Variants in ME3 observed in about 807,000 individuals in gnomAD.
ME3 encodes the protein malic enzyme 3.
In ME3, 48 loss-of-function variants were observed where a neutral mutation model predicts 68.9. That is an observed-to-expected ratio of 0.70 (90% CI 0.55 to 0.89). The LOEUF (loss-of-function observed/expected upper bound fraction) is 0.89, where lower values mean the gene tolerates loss of function less well. ME3 is among the 40% of genes least tolerant of loss of function. The pLI, the probability that ME3 is intolerant of heterozygous loss-of-function variation, is 0.00. For missense variants in ME3, 675 were observed against 797.4 expected (o/e 0.85, Z 1.85); for synonymous variants, 320 against 318.8 (o/e 1.00, Z -0.04).
chr11:86,467,070 T>C (rs1269568206), intron 7 of ME3, among the ~76,000 whole-genome samples: 1 of 150,914 alleles, frequency 6.6e-6, no homozygotes, highest in African/African-American at 2.5e-5. Flanking sequence ...ATTGAAGGTA[T>C]AAAATGTGAT....
intron 2 of ME3, among the ~76,000 whole-genome samples, chr11:86,584,206 A>T (rs1958604355): frequency 6.6e-6 from 1 of 152,232 alleles, no homozygotes. Context: ...CAACAGGTAT[A>T]TGAAAAGATG....
At chr11:86,493,087 T>C (rs117644754) in intron 6 of ME3, among the ~76,000 whole-genome samples, 3,664 of 152,272 alleles carry the variant, frequency 0.024, 123 homozygotes, top group East Asian at 0.13. Flanking sequence ...GAGAGTGAGC[T>C]CTATGATGGC....
chr11:86,652,828 G>A (rs978887149), intron 2 of ME3, among the ~76,000 whole-genome samples: 1 of 151,958 alleles, frequency 6.6e-6, no homozygotes, highest in African/African-American at 2.4e-5. Context: ...AGACCCATCA[G>A]TGTGCTGTAT....
chr11:86,566,510 C>T (rs1395135016), intron 2 of ME3, among the ~76,000 whole-genome samples: 1 of 152,158 alleles, frequency 6.6e-6, no homozygotes, highest in African/African-American at 2.4e-5. Flanking sequence ...GAGATCCAAA[C>T]CCATATATTG....
chr11:86,622,387 T>TA lies in ME3; in HGVS notation c.183+49374dup, dbSNP rs767078950. ...ATCTACAGGGATTGTGGGAGGGCATTAAAAAAAAAAAAGTTGTTTGCTGCT... is the reference window on the plus strand; with the variant it reads ...ATCTACAGGGATTGTGGGAGGGCATTAAAAAAAAAAAAAGTTGTTTGCTGCT... On this transcript the variant is annotated intron_variant, in intron 2 of 14. Coordinates refer to ENST00000543262, the Ensembl canonical transcript of ME3. Among the ~76,000 whole-genome samples the TA allele has an allele frequency of 7.9e-3, 1,166 of 148,508 alleles. 23 individuals are homozygous for TA. Among genetic ancestry groups the TA allele is most frequent in the African/African-American group, 0.025 (1,008 of 40,620 alleles).
intron 6 of ME3, among the ~76,000 whole-genome samples, chr11:86,489,897 C>T (rs766389650): frequency 1.8e-4 from 28 of 152,120 alleles, no homozygotes; most frequent in Non-Finnish European, 2.6e-4. Context: ...TAGGTCTCAT[C>T]GTTTCCCCCA....
intron 4 of ME3, among the ~76,000 whole-genome samples, chr11:86,537,903 A>G (rs575326733): frequency 6.6e-6 from 1 of 152,284 alleles, no homozygotes; most frequent in East Asian, 1.9e-4. Context: ...GAGCTCCATG[A>G]AGTGTTTGGT....
Position 86,477,686 on chromosome 11 carries a change from G to A in ME3, c.809+9651C>T, listed in dbSNP as rs187862816. Among the ~76,000 whole-genome samples the A allele has an allele frequency of 1.6e-3, 239 of 152,208 alleles. 3 individuals carry two copies. Among genetic ancestry groups the A allele is most frequent in the African/African-American group, 5.5e-3 (230 of 41,522 alleles). ...AGCTAGTGTCATTGAATCATATCCCGAGGCAGTGAGTTTCTTCCAGCACAT... is the reference window on the plus strand; with the variant it reads ...AGCTAGTGTCATTGAATCATATCCCAAGGCAGTGAGTTTCTTCCAGCACAT... On this transcript the variant is annotated intron_variant, in intron 7 of 14. Transcript: ENST00000543262.
chr11:86,506,199 G>T (rs1299106157), intron 5 of ME3, among the ~76,000 whole-genome samples: 1 of 152,134 alleles, frequency 6.6e-6, no homozygotes, highest in African/African-American at 2.4e-5. Flanking sequence ...CTTATTTGGG[G>T]CCTGCTGGAG....
intron 5 of ME3, among the ~76,000 whole-genome samples, chr11:86,503,020 T>C (rs1028203236): frequency 1.3e-5 from 2 of 152,092 alleles, no homozygotes; most frequent in Admixed American, 6.5e-5. Flanking sequence ...CATCCTTCCT[T>C]CTCATCTTTC....
At chr11:86,460,550 C>T (rs1028995153) in intron 8 of ME3, among the ~76,000 whole-genome samples, 1 of 152,188 alleles carries the variant, frequency 6.6e-6, no homozygotes, top group Non-Finnish European at 1.5e-5. Flanking sequence ...ACCCTAGTCT[C>T]ATTTTCATGT....
intron 5 of ME3, among the ~76,000 whole-genome samples, chr11:86,503,082 C>A (rs1048124044): frequency 6.6e-6 from 1 of 152,034 alleles, no homozygotes; most frequent in Non-Finnish European, 1.5e-5. Context: ...CTCTTTCTAC[C>A]GCAAAAATAA....
chr11:86,608,798 T>C (rs1251361573), intron 2 of ME3, among the ~76,000 whole-genome samples: 1 of 152,228 alleles, frequency 6.6e-6, no homozygotes, highest in Non-Finnish European at 1.5e-5. Context: ...GTAACTGGTA[T>C]ATCAGATAAT....
intron 6 of ME3, among the ~76,000 whole-genome samples, chr11:86,490,760 G>A (rs1238866319): frequency 2.0e-5 from 3 of 152,160 alleles, no homozygotes; most frequent in Non-Finnish European, 4.4e-5. Context: ...TTCTTACAAA[G>A]ATTAAAAGGG....
chr11:86,475,987 G>T (rs1382245911), intron 7 of ME3, among the ~76,000 whole-genome samples: 1 of 151,692 alleles, frequency 6.6e-6, no homozygotes, highest in African/African-American at 2.4e-5. Context: ...ATTGCAATCG[G>T]GGCTTAGACC....
chr11:86,622,801 A>C (rs910305283), intron 2 of ME3: 1 of 151,970 alleles, frequency 6.6e-6, no homozygotes, highest in African/African-American at 2.4e-5. Context: ...TCATCCATCA[A>C]GATTGTCTTC....
chr11:86,497,829 T>A, intron 6 of ME3, 134 bp downstream of exon 6: 1 of 1,031,028 alleles, frequency 9.7e-7, no homozygotes, highest in Non-Finnish European at 1.4e-6. Flanking sequence ...GTAGGGGGAA[T>A]GCCCTGGTCG....
At chr11:86,615,575 A>C (rs1451238422) in intron 2 of ME3, among the ~76,000 whole-genome samples, 3 of 152,226 alleles carry the variant, frequency 2.0e-5, no homozygotes, top group Admixed American at 6.5e-5. Context: ...AGCTAATAAG[A>C]GTTCACCTCT....
chr11:86,489,373 A>C (rs994101076), intron 6 of ME3, among the ~76,000 whole-genome samples: 20 of 152,172 alleles, frequency 1.3e-4, no homozygotes, highest in African/African-American at 4.8e-4. Flanking sequence ...CAAGTGGAAA[A>C]ATATATATGA....
Sources: gnomAD v4.1 joint callset for allele counts (sites outside exome capture counted in the v4.1 genomes callset) on GRCh38, gnomAD v4.1.1 for gene constraint, MANE v1.5 for transcripts, NCBI Gene and HGNC (gene_info 2026-07-23, HGNC 2026-07-21) for gene names.